NEGR1: variants seen among roughly 807,000 people sequenced by gnomAD.
NEGR1 encodes the protein neuronal growth regulator 1, also known as IgLON family member 4.
A neutral mutation model predicts 40.9 loss-of-function variants in NEGR1; 10 were observed. The ratio of observed to expected loss-of-function variants is 0.24; its 90% CI spans 0.15 to 0.42. The LOEUF (loss-of-function observed/expected upper bound fraction) is 0.42. Among genes scored for constraint, NEGR1 ranks in the 10% least tolerant of loss-of-function variants. The pLI is 1.00. For synonymous variants in NEGR1, 185 were observed against 166.8 expected (o/e 1.11, Z -0.84); for missense variants, 352 against 438.9 (o/e 0.80, Z 1.77).
intron 1 of NEGR1, among the ~76,000 whole-genome samples, chr1:72,040,853 C>G (rs17092211): frequency 0.025 from 3,730 of 151,898 alleles, 147 homozygotes; most frequent in African/African-American, 0.085. Context: ...GTCTTGCAAC[C>G]ATTTCCAGGA....
intron 4 of NEGR1, among the ~76,000 whole-genome samples, chr1:71,623,654 A>AAGAATGAGAAGAC (rs1650678321): frequency 6.6e-6 from 1 of 151,978 alleles, no homozygotes; most frequent in Non-Finnish European, 1.5e-5. Flanking sequence ...CTAACAGCAA[A>AAGAATGAGAAGAC]AGAATGAGAA....
intron 6 of NEGR1, among the ~76,000 whole-genome samples, chr1:71,483,135 A>G (rs1034798167): frequency 8.6e-5 from 13 of 151,750 alleles, no homozygotes; most frequent in Admixed American, 7.9e-4. Context: ...ACAGGGAAAC[A>G]GCCAGTATAT....
At chr1:71,994,915 C>T (rs1646490127) in intron 1 of NEGR1, among the ~76,000 whole-genome samples, 1 of 147,806 alleles carries the variant, frequency 6.8e-6, no homozygotes, top group African/African-American at 2.5e-5. Flanking sequence ...TAACATCAAA[C>T]TTCCTGCCAG....
chr1:71,885,244 T>G (rs1175680202), intron 2 of NEGR1, among the ~76,000 whole-genome samples: 1 of 152,204 alleles, frequency 6.6e-6, no homozygotes, highest in Non-Finnish European at 1.5e-5. Context: ...GTACCTTCCT[T>G]TTCAGCTTCA....
At chr1:71,560,270 A>G (rs766307876) in intron 6 of NEGR1, among the ~76,000 whole-genome samples, 3 of 151,034 alleles carry the variant, frequency 2.0e-5, no homozygotes, top group South Asian at 2.1e-4. Flanking sequence ...GGTTAAGCTA[A>G]TAAGTAGCTA....
chr1:71,488,354 T>C (rs1432692927), intron 6 of NEGR1, among the ~76,000 whole-genome samples: 6 of 151,852 alleles, frequency 4.0e-5, no homozygotes, highest in African/African-American at 1.4e-4. Flanking sequence ...AGATAGAGCC[T>C]GTTATCACAG....
At chr1:72,197,621 A>G (rs1003601938) in intron 1 of NEGR1, among the ~76,000 whole-genome samples, 2 of 152,032 alleles carry the variant, frequency 1.3e-5, no homozygotes, top group Non-Finnish European at 2.9e-5. Context: ...CAACAGTCCA[A>G]TGCTTGACAA....
intron 6 of NEGR1, among the ~76,000 whole-genome samples, chr1:71,423,500 T>C (rs1431294993): frequency 6.6e-6 from 1 of 152,180 alleles, no homozygotes; most frequent in East Asian, 1.9e-4. Context: ...ATTGCATAGA[T>C]ACTAATTAGA....
intron 6 of NEGR1, among the ~76,000 whole-genome samples, chr1:71,436,244 G>A (rs1322071487): frequency 6.7e-6 from 1 of 148,728 alleles, no homozygotes; most frequent in Non-Finnish European, 1.5e-5. Flanking sequence ...AAAAAAAAAG[G>A]TGGGGTATGA....
intron 2 of NEGR1, among the ~76,000 whole-genome samples, chr1:71,866,929 G>T (rs518523): frequency 6.6e-6 from 1 of 151,936 alleles, no homozygotes; most frequent in Non-Finnish European, 1.5e-5. Flanking sequence ...AAGTGGGAAT[G>T]TCCCTACTTC....
At chr1:71,857,029 T>C (rs1289319849) in intron 2 of NEGR1, among the ~76,000 whole-genome samples, 1 of 151,968 alleles carries the variant, frequency 6.6e-6, no homozygotes, top group Non-Finnish European at 1.5e-5. Context: ...CAGACTTAGT[T>C]TCCTTGTATG....
chr1:72,079,650 A>G (rs1413014250), intron 1 of NEGR1, among the ~76,000 whole-genome samples: 2 of 152,114 alleles, frequency 1.3e-5, no homozygotes, highest in African/African-American at 2.4e-5. Context: ...TTATTTTTAA[A>G]TGATCAAAAC....
chr1:71,437,019 C>T (rs1440166456), intron 6 of NEGR1, among the ~76,000 whole-genome samples: 1 of 152,008 alleles, frequency 6.6e-6, no homozygotes, highest in African/African-American at 2.4e-5. Context: ...TATATTCTTA[C>T]CTATGCGTTC....
intron 2 of NEGR1, among the ~76,000 whole-genome samples, chr1:71,900,494 T>C (rs1661114929): frequency 1.3e-5 from 2 of 152,170 alleles, no homozygotes. Flanking sequence ...AAAAAAGAAA[T>C]AGTTCATTTT....
At chr1:72,120,737 A>T (rs150392218) in intron 1 of NEGR1, among the ~76,000 whole-genome samples, 1,622 of 151,772 alleles carry the variant, frequency 0.011, 18 homozygotes, top group Non-Finnish European at 0.016. Context: ...TTCAATTCCC[A>T]CCTATGAGTG....
intron 6 of NEGR1, among the ~76,000 whole-genome samples, chr1:71,412,275 A>G (rs1315902835): frequency 6.6e-6 from 1 of 152,098 alleles, no homozygotes; most frequent in Non-Finnish European, 1.5e-5. Context: ...AACCTCCTTA[A>G]GCCTAGATGG....
At chr1:71,921,111 T>G (rs1307070657) in intron 2 of NEGR1, among the ~76,000 whole-genome samples, 1 of 152,200 alleles carries the variant, frequency 6.6e-6, no homozygotes, top group East Asian at 1.9e-4. Context: ...TTAATAAATC[T>G]GAGATCCCAA....
At chr1:72,207,432 A>G (rs1449323573) in intron 1 of NEGR1, among the ~76,000 whole-genome samples, 2 of 151,846 alleles carry the variant, frequency 1.3e-5, no homozygotes, top group South Asian at 2.1e-4. Context: ...TTCTTTTTAT[A>G]TATAGAAAGA....
chr1:71,493,272 G>A (rs557401576), intron 6 of NEGR1, among the ~76,000 whole-genome samples: 6 of 152,150 alleles, frequency 3.9e-5, no homozygotes, highest in Non-Finnish European at 7.4e-5. Flanking sequence ...ATAGGGAGAC[G>A]TTGACCTCTA....
Sources: gnomAD v4.1 joint callset for allele counts (sites outside exome capture counted in the v4.1 genomes callset) on GRCh38, gnomAD v4.1.1 for gene constraint, MANE v1.5 for transcripts, NCBI Gene and HGNC (gene_info 2026-07-23, HGNC 2026-07-21) for gene names.